The following SBF2 variants were observed in gnomAD, a reference collection of about 807,000 sequenced individuals.
SBF2 encodes myotubularin-related protein 13.
Under a neutral mutation model 225.2 loss-of-function variants are expected in SBF2, and 112 were observed. The ratio of observed to expected loss-of-function variants is 0.50; its 90% CI spans 0.43 to 0.58. The LOEUF (loss-of-function observed/expected upper bound fraction) is 0.58, where lower values mean the gene tolerates loss of function less well. SBF2 is among the 20% of genes least tolerant of loss of function. The pLI is 0.00. For synonymous variants in SBF2, 763 were observed against 773.3 expected (o/e 0.99, Z 0.22); for missense variants, 1,996 against 2,206.2 (o/e 0.90, Z 1.91).
intron 1 of SBF2, among the ~76,000 whole-genome samples, chr11:10,253,587 T>A (rs1180711743): frequency 1.3e-5 from 2 of 152,170 alleles, no homozygotes; most frequent in Non-Finnish European, 2.9e-5. Context: ...ATGATTACTT[T>A]TGGGAAGTCT....
chr11:10,030,830 A>T (rs975298029), intron 4 of SBF2, among the ~76,000 whole-genome samples: 1 of 152,202 alleles, frequency 6.6e-6, no homozygotes, highest in African/African-American at 2.4e-5. Context: ...TTTAAAACAA[A>T]CACTACATCC....
At chr11:10,108,959 G>C (rs771571625) in intron 2 of SBF2, among the ~76,000 whole-genome samples, 2 of 152,082 alleles carry the variant, frequency 1.3e-5, no homozygotes, top group Non-Finnish European at 2.9e-5. Context: ...ATTTTACATG[G>C]TGCAGACTAA....
At chr11:10,225,459 T>C (rs1007049611) in intron 1 of SBF2, among the ~76,000 whole-genome samples, 1 of 151,052 alleles carries the variant, frequency 6.6e-6, no homozygotes, top group African/African-American at 2.4e-5. Context: ...CTTAAGAAAA[T>C]AGTAAACATC....
intron 1 of SBF2, among the ~76,000 whole-genome samples, chr11:10,228,742 T>C (rs923193412): frequency 2.6e-5 from 4 of 152,324 alleles, no homozygotes; most frequent in African/African-American, 9.6e-5. Flanking sequence ...TTGAGGATTT[T>C]TGCATCAATG....
chr11:10,101,069 T>G (rs950108592), intron 2 of SBF2, among the ~76,000 whole-genome samples: 2 of 152,196 alleles, frequency 1.3e-5, no homozygotes, highest in African/African-American at 4.8e-5. Flanking sequence ...TTTGTTTATG[T>G]GAAGGGAATC....
chr11:9,846,420 T>A (rs1294822349), intron 23 of SBF2, among the ~76,000 whole-genome samples: 1 of 152,266 alleles, frequency 6.6e-6, no homozygotes, highest in East Asian at 1.9e-4. Context: ...TAAGAAAAGG[T>A]CACTTCTTCC....
At chr11:9,801,878 C>A (rs1397096678) in intron 32 of SBF2, among the ~76,000 whole-genome samples, 2 of 152,208 alleles carry the variant, frequency 1.3e-5, no homozygotes, top group African/African-American at 4.8e-5. Context: ...TAGCTGCTCA[C>A]ATATGTGCTC....
intron 1 of SBF2, among the ~76,000 whole-genome samples, chr11:10,272,786 A>ATAG (rs36129033): frequency 4.0e-5 from 6 of 148,202 alleles, no homozygotes; most frequent in Non-Finnish European, 9.0e-5. Context: ...AATAATAATA[A>ATAG]CATGCCGGGC....
intron 16 of SBF2, chr11:9,929,279 A>C (rs1606425): frequency 0.22 from 37,870 of 170,886 alleles, 4,813 homozygotes; most frequent in Non-Finnish European, 0.29. Flanking sequence ...AAAAAACAAA[A>C]AAAAAAAAAC....
intron 6 of SBF2, among the ~76,000 whole-genome samples, chr11:10,010,217 T>G (rs1351044302): frequency 6.6e-6 from 1 of 152,242 alleles, no homozygotes; most frequent in Non-Finnish European, 1.5e-5. Flanking sequence ...TGATAGTTTC[T>G]TTTGCTGTGA....
chr11:10,032,333 A>C (rs1185054511), intron 3 of SBF2, among the ~76,000 whole-genome samples: 1 of 152,136 alleles, frequency 6.6e-6, no homozygotes, highest in African/African-American at 2.4e-5. Context: ...TAACGCTGTG[A>C]GCTACTATAA....
chr11:10,090,276 G>A (rs1951724195), intron 2 of SBF2, among the ~76,000 whole-genome samples: 1 of 152,094 alleles, frequency 6.6e-6, no homozygotes, highest in African/African-American at 2.4e-5. Flanking sequence ...GCATAACAAT[G>A]AGAATATACT....
At chr11:10,132,963 T>C (rs905131580) in intron 2 of SBF2, among the ~76,000 whole-genome samples, 12 of 149,212 alleles carry the variant, frequency 8.0e-5, no homozygotes, top group South Asian at 6.4e-4. Flanking sequence ...AGAGTGTCGA[T>C]TGGTGCATTC....
At chr11:10,246,673 C>G (rs965084002) in intron 1 of SBF2, among the ~76,000 whole-genome samples, 2 of 152,212 alleles carry the variant, frequency 1.3e-5, no homozygotes, top group Non-Finnish European at 2.9e-5. Context: ...GAAATTAAAA[C>G]TCTGAAAAAT....
At chr11:10,139,829 A>T (rs1407049999) in intron 2 of SBF2, among the ~76,000 whole-genome samples, 6 of 152,198 alleles carry the variant, frequency 3.9e-5, no homozygotes, top group African/African-American at 1.4e-4. Context: ...CCTTCTACAT[A>T]GCTCCTTCCA....
chr11:10,151,067 C>T (rs149018270), intron 2 of SBF2, among the ~76,000 whole-genome samples: 5 of 152,202 alleles, frequency 3.3e-5, no homozygotes, highest in Non-Finnish European at 7.4e-5. Context: ...TAAAGGTTGA[C>T]ATGTATTTCC....
intron 1 of SBF2, among the ~76,000 whole-genome samples, chr11:10,269,811 G>C (rs1436686912): frequency 2.0e-5 from 3 of 152,110 alleles, no homozygotes; most frequent in Non-Finnish European, 2.9e-5. Flanking sequence ...ACCTAGGCTA[G>C]AGTACAGTAG....
intron 1 of SBF2, among the ~76,000 whole-genome samples, chr11:10,222,171 C>T (rs1004914768): frequency 2.6e-5 from 4 of 152,188 alleles, no homozygotes; most frequent in African/African-American, 4.8e-5. Flanking sequence ...CATCAACACT[C>T]TTTGGAGGAA....
chr11:9,983,895 A>T (rs1395052101), intron 13 of SBF2, among the ~76,000 whole-genome samples: 1 of 152,208 alleles, frequency 6.6e-6, no homozygotes, highest in East Asian at 1.9e-4. Context: ...CTACACCAAG[A>T]GAACACTCTG....
Sources: allele counts gnomAD v4.1 joint callset (sites outside exome capture counted in the v4.1 genomes callset), GRCh38; gene constraint gnomAD v4.1.1; transcripts MANE v1.5; gene names NCBI Gene and HGNC (gene_info 2026-07-23, HGNC 2026-07-21).